CCDC51: variants seen among roughly 807,000 people sequenced by gnomAD.
The protein encoded by CCDC51 is mitochondrial potassium channel.
A neutral mutation model predicts 24.8 loss-of-function variants in CCDC51; 25 were observed. The observed-to-expected ratio is 1.01, with a 90% CI of 0.73 to 1.41. The LOEUF is 1.41. Ranked by LOEUF, CCDC51 falls within the 40% of genes most tolerant of loss-of-function variation. The pLI, the probability that CCDC51 is intolerant of heterozygous loss-of-function variation, is 0.00. For missense variants in CCDC51, 466 were observed against 519.1 expected (o/e 0.90, Z 0.99); for synonymous variants, 190 against 204.3 (o/e 0.93, Z 0.60).
At chr3:48,434,783 G>A (rs1391071585) in intron 2 of CCDC51, 34 bp downstream of exon 2, 1 of 1,549,392 alleles carries the variant, frequency 6.5e-7, no homozygotes, top group Non-Finnish European at 8.8e-7. Context: ...CCAAGTCAGA[G>A]GGCGGGGCCA....
In CCDC51 at chr3:48,434,912, G is replaced by A. The variant is rs2039303110; in HGVS notation, c.217C>T (p.Gln73Ter). The part of the protein sequence containing the change: ...LGRALGHSIQ[Q>*]RATSTAKTWW... ...GTCTTGGCTGTGGAGGTCGCTCGTTGCTGAATGCTGTGCCCCAGGGCTCTT... is the reference window on the plus strand; with the variant it reads ...GTCTTGGCTGTGGAGGTCGCTCGTTACTGAATGCTGTGCCCCAGGGCTCTT... Residue 73 changes from glutamine to a stop codon, truncating the protein, a stop_gained, in exon 2 of 4, where the codon CAA becomes TAA. Coordinates refer to ENST00000395694, the MANE Select transcript of CCDC51 (RefSeq NM_001256964.2). LOFTEE classifies it high-confidence loss of function. The A allele has an allele frequency of 6.2e-7, 1 of 1,614,252 alleles. No homozygotes were observed. Among genetic ancestry groups the A allele is most frequent in the Non-Finnish European group, 8.5e-7 (1 of 1,180,048 alleles).
chr3:48,437,310 G>A lies in CCDC51; in HGVS notation c.-8-2174C>T, dbSNP rs1313841670. 6.6e-6 allele frequency among the ~76,000 whole-genome samples: 1 copy of A among 152,124 alleles called. No homozygotes were observed. The highest frequency in any genetic ancestry group is 6.5e-5 in the Admixed American group (1 of 15,286). On this transcript the variant is annotated intron_variant, in intron 1 of 3. Coordinates refer to ENST00000395694, the MANE Select transcript of CCDC51 (RefSeq NM_001256964.2). This position sits in a 1 kb window ranked among gnomAD's most constrained non-coding sequence, Gnocchi z 4.2. ...AAGGGAATGTGGCAATAATTCCCAT[G>A]TGGCAACTGGAGTTGTTTCTCCACT... is the stretch of plus-strand genomic sequence containing the variant.
chr3:48,440,733 C>G (rs148905072), upstream of CCDC51: 1,279 of 964,978 alleles, frequency 1.3e-3, 9 homozygotes, highest in African/African-American at 0.019. Context: ...TGCGAGGTCT[C>G]GTTTTCCGAC....
Position 48,435,180 on chromosome 3 carries a change from G to C in CCDC51, c.-8-44C>G, listed in dbSNP as rs370734359. On this transcript the variant is annotated intron_variant, in intron 1 of 3. Transcript: ENST00000395694. This position sits in a 1 kb window ranked among gnomAD's most constrained non-coding sequence, Gnocchi z 4.2. Reference sequence around the variant, plus strand: ...ACAGGTCAGCTCACAGCTGAGAAAGGCTGGACATAAGTCAGTTTTGAGGCC... The same window carrying C: ...ACAGGTCAGCTCACAGCTGAGAAAGCCTGGACATAAGTCAGTTTTGAGGCC... The C allele has an allele frequency of 4.7e-6, 7 of 1,485,962 alleles. No homozygotes were observed. Among genetic ancestry groups the C allele is most frequent in the Non-Finnish European group, 3.6e-6 (4 of 1,111,736 alleles). 92.0% of individuals were successfully genotyped at this position (1,485,962 alleles called of 1,614,324 possible). A position where few individuals can be genotyped will look rare whatever the true frequency, so the allele number is the denominator to read the frequency against.
At chr3:48,440,737 T>C (rs1477965862), upstream of CCDC51, 2 of 965,780 alleles carry the variant, frequency 2.1e-6, no homozygotes, top group African/African-American at 3.3e-5. Flanking sequence ...AGGTCTCGTT[T>C]TCCGACGTCC....
Position 48,435,507 on chromosome 3 carries a change from TAAACC to T in CCDC51, c.-8-376_-8-372del, listed in dbSNP as rs1560091345. Among the ~76,000 whole-genome samples the T allele has an allele frequency of 6.6e-6, 1 of 152,216 alleles. No individual in the cohort carries two copies. The highest frequency in any genetic ancestry group is 1.5e-5 in the Non-Finnish European group (1 of 68,042). Reference sequence around the variant, plus strand: ...GGTTTCTGATGTCAAAGACAGTTTTTAAACCAGACTTGTACACATGCTGACAAAGC... The same window carrying T: ...GGTTTCTGATGTCAAAGACAGTTTTTAGACTTGTACACATGCTGACAAAGC... On this transcript the variant is annotated intron_variant, in intron 1 of 3. Coordinates refer to ENST00000395694, the MANE Select transcript of CCDC51 (RefSeq NM_001256964.2). The surrounding 1 kb of genome is among the most constrained non-coding windows in gnomAD (Gnocchi z 4.2).
Position 48,432,557 on chromosome 3 carries a change from C to G in CCDC51, c.1087G>C (p.Glu363Gln). The G allele has an allele frequency of 1.9e-6, 3 of 1,614,226 alleles. No individual in the cohort carries two copies. Among genetic ancestry groups the G allele is most frequent in the Non-Finnish European group, 1.7e-6 (2 of 1,180,044 alleles). ...ADGAMPSFLL[E>Q]QGSMILALSD... ...AGTGCCAAGATCATGCTCCCCTGCT[C>G]CAGCAAGAAGCTGGGCATAGCCCCG... The change falls in exon 4 of 4, where the codon GAG (glutamate) becomes CAG (glutamine). Residue 363 changes from glutamate (E) to glutamine (Q), a missense_variant. By Grantham distance (29) the Glu-to-Gln change is conservative. Coordinates refer to ENST00000395694, the MANE Select transcript of CCDC51 (RefSeq NM_001256964.2).
upstream of CCDC51, among the ~76,000 whole-genome samples, chr3:48,442,186 C>T (rs979072266): frequency 6.6e-6 from 1 of 150,438 alleles, no homozygotes; most frequent in Non-Finnish European, 1.5e-5. Context: ...TATTTGAGCA[C>T]GGGAGTTCAG....
At position 48,434,997 on chromosome 3, in the gene CCDC51, G is replaced by A. The variant is rs61746705; in HGVS notation, c.132C>T (p.Pro44=). The A allele has an allele frequency of 9.8e-4, 1,585 of 1,614,218 alleles. 12 individuals carry two copies. The African/African-American group carries it at 0.018, about 19-fold the overall frequency. ...CCACCTCCTCAGGTCTTTTCTCTCC[G>A]GGCTGGCTTGGGCCTGGGCTGCAGA... ...RTLCSPGPSQ[P]GEKRPEEVAL... The change falls in exon 2 of 4, where the codon CCC becomes CCT. Residue 44 remains proline (P), a synonymous_variant. Transcript: ENST00000395694.
At chr3:48,440,679 A>G, upstream of CCDC51, 3 of 1,541,434 alleles carry the variant, frequency 1.9e-6, no homozygotes, top group East Asian at 2.3e-5. Context: ...ATGAGCACCT[A>G]TTGGGATGAG....
At chr3:48,444,213 G>A (rs772831352), upstream of CCDC51, 24 of 206,026 alleles carry the variant, frequency 1.2e-4, no homozygotes, top group Middle Eastern at 1.7e-3. Flanking sequence ...AAAGGATGGC[G>A]TTCTTGTGTG....
chr3:48,440,509 G>A (rs1169471820), upstream of CCDC51: 4 of 1,606,118 alleles, frequency 2.5e-6, no homozygotes, highest in Non-Finnish European at 8.5e-7. Flanking sequence ...TGGGAGACAG[G>A]CCTGAGTTGA....
At position 48,437,943 on chromosome 3, in the gene CCDC51, G is replaced by A. The variant is rs1040844396; in HGVS notation, c.-9+2045C>T. On this transcript the variant is annotated intron_variant, in intron 1 of 3. Coordinates refer to ENST00000395694, the MANE Select transcript of CCDC51 (RefSeq NM_001256964.2). The surrounding 1 kb of genome is among the most constrained non-coding windows in gnomAD (Gnocchi z 4.2). Reference sequence around the variant, plus strand: ...TAATTGATCTGACACCCCCCCACCAGCAACTGCCCCATTTCTTTGGTTTCC... The same window carrying A: ...TAATTGATCTGACACCCCCCCACCAACAACTGCCCCATTTCTTTGGTTTCC... 2.6e-5 allele frequency: 4 copies of A among 151,946 alleles called. No individual in the cohort carries two copies. The highest frequency in any genetic ancestry group is 9.7e-5 in the African/African-American group (4 of 41,282). The allele number at this position is 151,946 out of a possible 1,614,324, so 9.4% of individuals were successfully genotyped here. A position where few individuals can be genotyped will look rare whatever the true frequency, so the allele number is the denominator to read the frequency against.
At chr3:48,440,622 C>T (rs775492653), upstream of CCDC51, 12 of 1,611,022 alleles carry the variant, frequency 7.4e-6, no homozygotes, top group African/African-American at 1.3e-5. Flanking sequence ...GGGGAAGGGG[C>T]CCTTGGGTAA....
At chr3:48,443,042 C>T (rs960846248), upstream of CCDC51, among the ~76,000 whole-genome samples, 2 of 151,704 alleles carry the variant, frequency 1.3e-5, no homozygotes, top group Non-Finnish European at 2.9e-5. Flanking sequence ...GAGTTCGAGA[C>T]CTGCCTGGCC....
the CCDC51 span, among the ~76,000 whole-genome samples, chr3:48,445,820 T>A: frequency 1.3e-5 from 2 of 152,224 alleles, no homozygotes; most frequent in African/African-American, 4.8e-5. Flanking sequence ...TTGCTCCTGT[T>A]ACTCTCCATT....
Position 48,433,270 on chromosome 3 carries a change from G to A in CCDC51, c.478-104C>T. ...CTACCTTGTGCCTGGCAGAGTACAT[G>A]TTCCATAGACCCATGCTGAATGAAT... On this transcript the variant is annotated intron_variant, in intron 3 of 3. Transcript: ENST00000395694. The surrounding 1 kb of genome is among the most constrained non-coding windows in gnomAD (Gnocchi z 4.4). The A allele has an allele frequency of 8.9e-7, 1 of 1,121,774 alleles. No homozygotes were observed. Among genetic ancestry groups the A allele is most frequent in the Non-Finnish European group, 1.3e-6 (1 of 782,024 alleles). 69.5% of individuals were successfully genotyped at this position (1,121,774 alleles called of 1,614,324 possible).
chr3:48,440,286 C>T (rs773719062), upstream of CCDC51: 18 of 1,601,096 alleles, frequency 1.1e-5, no homozygotes, highest in African/African-American at 5.3e-5. Context: ...GGGGAAGCGG[C>T]GGCAGGCGCC....
rs542498133 is a variant in CCDC51 at position 48,435,473 on chromosome 3, T to C, written c.-8-337A>G. ...TCTGCTGTGACTTGAATGAGAATCC[T>C]GGTGCCCAGGTTTCTGATGTCAAAG... On this transcript the variant is annotated intron_variant, in intron 1 of 3. Transcript: ENST00000395694. The surrounding 1 kb of genome is among the most constrained non-coding windows in gnomAD (Gnocchi z 4.2). 6.6e-6 allele frequency among the ~76,000 whole-genome samples: 1 copy of C among 152,374 alleles called. No homozygotes were observed. Among genetic ancestry groups the C allele is most frequent in the African/African-American group, 2.4e-5 (1 of 41,588 alleles).
Sources: allele counts gnomAD v4.1 joint callset (sites outside exome capture counted in the v4.1 genomes callset), GRCh38; gene constraint gnomAD v4.1.1; non-coding constraint Gnocchi (gnomAD v3.1); transcripts MANE v1.5; gene names NCBI Gene and HGNC (gene_info 2026-07-23, HGNC 2026-07-21).